MED26: variants seen among roughly 807,000 people sequenced by gnomAD.
MED26 encodes mediator complex subunit 26, also known as mediator of RNA polymerase II transcription subunit 26.
Under a neutral mutation model 43.7 loss-of-function variants are expected in MED26, and 7 were observed. The ratio of observed to expected loss-of-function variants is 0.16; its 90% CI spans 0.09 to 0.30. The LOEUF (loss-of-function observed/expected upper bound fraction) is 0.30. MED26 is among the 10% of genes least tolerant of loss of function. The pLI is 1.00. For missense variants in MED26, 784 were observed against 840.6 expected, an observed-to-expected ratio of 0.93 and a Z score of 0.83; for synonymous variants, 375 against 371.1, an observed-to-expected ratio of 1.01 and a Z score of -0.12.
intron 1 of MED26, among the ~76,000 whole-genome samples, chr19:16,585,059 CCTAA>C (rs1172165349): frequency 6.6e-6 from 1 of 152,150 alleles, no homozygotes; most frequent in Non-Finnish European, 1.5e-5. Context: ...TCTCAGGCCT[CCTAA>C]CTGATTTGAA....
At chr19:16,609,336 A>AAAAAAGAGAGAG (rs765489188) in intron 1 of MED26, among the ~76,000 whole-genome samples, 2 of 142,266 alleles carry the variant, frequency 1.4e-5, no homozygotes, top group African/African-American at 2.5e-5. Context: ...AAAAAAAAAA[A>AAAAAAGAGAGAG]AGAGAGAGAA....
rs369120101 is a variant in MED26, at chr19:16,619,404, C to T, written c.72+8468G>A. 1.4e-3 allele frequency among the ~76,000 whole-genome samples: 219 copies of T among 152,274 alleles called. 5 individuals carry two copies. The South Asian group carries it at 0.044, about 31-fold the overall frequency. ...AACTACTACATCACCCTGGGGGGAACGAGGATGTGGCCACCTCTCCATGCC... is the reference window on the plus strand; with the variant it reads ...AACTACTACATCACCCTGGGGGGAATGAGGATGTGGCCACCTCTCCATGCC... On this transcript the variant is annotated intron_variant, in intron 1 of 2. Transcript: ENST00000263390.
intron 1 of MED26, chr19:16,611,836 A>G (rs926397036): frequency 1.3e-5 from 2 of 152,076 alleles, no homozygotes; most frequent in Non-Finnish European, 2.9e-5. Context: ...AAAAAAAAGA[A>G]GTAAATGGAG....
chr19:16,623,004 C>A (rs2086258514), intron 1 of MED26, among the ~76,000 whole-genome samples: 1 of 152,162 alleles, frequency 6.6e-6, no homozygotes, highest in South Asian at 2.1e-4. Flanking sequence ...CTGACGTGAC[C>A]ATGGTGCCTT....
Position 16,576,561 on chromosome 19 carries a change from C to T in MED26, c.1269G>A (p.Arg423=). 6.2e-7 allele frequency: 1 copy of T among 1,614,224 alleles called. No homozygotes were observed. ...AGVKPVRLKE[R]KLTFDPMTRQ... ...TCGTCATGGGGTCAAAGGTGAGCTT[C>T]CGCTCTTTTAACCGGACAGGCTTGA... is the stretch of plus-strand genomic sequence containing the variant. Residue 423 remains arginine (R), a synonymous_variant, in exon 3 of 3, where the codon CGG becomes CGA. Coordinates refer to ENST00000263390, the MANE Select transcript of MED26 (RefSeq NM_004831.5). The surrounding 1 kb of genome is among the most constrained non-coding windows in gnomAD (Gnocchi z 6.8).
chr19:16,593,594 T>G (rs543514635), intron 1 of MED26, among the ~76,000 whole-genome samples: 97 of 152,324 alleles, frequency 6.4e-4, no homozygotes, highest in African/African-American at 2.3e-3. Flanking sequence ...CTGGCCACCA[T>G]GTTCACTCCA....
intron 1 of MED26, among the ~76,000 whole-genome samples, chr19:16,607,684 C>T (rs1599343717): frequency 6.6e-6 from 1 of 152,362 alleles, no homozygotes; most frequent in East Asian, 1.9e-4. Context: ...CCTCGGGCCA[C>T]ATGCAACCCA....
chr19:16,600,323 C>T (rs1446953570), intron 1 of MED26, among the ~76,000 whole-genome samples: 1 of 152,214 alleles, frequency 6.6e-6, no homozygotes, highest in East Asian at 1.9e-4. Context: ...TGCATTAACA[C>T]TGATCAATGA....
At chr19:16,584,382 GC>G (rs1039198676) in intron 1 of MED26, among the ~76,000 whole-genome samples, 28 of 151,684 alleles carry the variant, frequency 1.8e-4, no homozygotes, top group African/African-American at 5.6e-4. Flanking sequence ...TCCCCAGAGA[GC>G]CCCATAGCCT....
chr19:16,600,196 G>GCAGCCCCCTCCTGCTCCGCA (rs1367881028), intron 1 of MED26, among the ~76,000 whole-genome samples: 3 of 151,052 alleles, frequency 2.0e-5, no homozygotes, highest in African/African-American at 7.3e-5. Flanking sequence ...GGTCCCTGCA[G>GCAGCCCCCTCCTGCTCCGCA]CAGCCCCCTC....
chr19:16,591,940 C>T (rs752099571), intron 1 of MED26, among the ~76,000 whole-genome samples: 15 of 152,310 alleles, frequency 9.8e-5, no homozygotes, highest in South Asian at 4.1e-4. Flanking sequence ...GTCAACAGCA[C>T]GGGCATCACC....
At chr19:16,584,184 C>T (rs1037745464) in intron 1 of MED26, among the ~76,000 whole-genome samples, 1 of 150,960 alleles carries the variant, frequency 6.6e-6, no homozygotes, top group South Asian at 2.1e-4. Flanking sequence ...ACCTGGGAGG[C>T]GGAGGTTGCA....
At chr19:16,591,962 T>C (rs1226419845) in intron 1 of MED26, among the ~76,000 whole-genome samples, 3 of 152,158 alleles carry the variant, frequency 2.0e-5, no homozygotes, top group African/African-American at 7.2e-5. Flanking sequence ...GGGAGCTGCT[T>C]TGAAACGCAC....
intron 1 of MED26, chr19:16,610,334 AC>A (rs2086194198): frequency 6.6e-6 from 1 of 152,102 alleles, no homozygotes; most frequent in Admixed American, 6.6e-5. Context: ...ATGTTATTCA[AC>A]ACAAGTTCAG....
chr19:16,621,104 G>T (rs79973107), intron 1 of MED26, among the ~76,000 whole-genome samples: 2 of 152,160 alleles, frequency 1.3e-5, no homozygotes, highest in Admixed American at 6.5e-5. Context: ...ACGCAATGGA[G>T]TTCAGCTTCC....
intron 1 of MED26, among the ~76,000 whole-genome samples, chr19:16,602,589 C>G (rs952381786): frequency 6.6e-6 from 1 of 152,216 alleles, no homozygotes; most frequent in African/African-American, 2.4e-5. Flanking sequence ...ATGGTGGATA[C>G]AACTCAAGTG....
In MED26 at chr19:16,577,783, G is replaced by A; in HGVS notation, c.148-101C>T. On this transcript the variant is annotated intron_variant, in intron 2 of 2. Coordinates refer to ENST00000263390, the MANE Select transcript of MED26 (RefSeq NM_004831.5). The surrounding 1 kb of genome is among the most constrained non-coding windows in gnomAD (Gnocchi z 8.1). ...GTGGCCCTGACAGTGAAATGACCCG[G>A]TTCCCACTGAGCCCTAAACTGCCAG... The A allele has an allele frequency of 1.1e-6, 1 of 902,032 alleles. No homozygotes were observed. Among genetic ancestry groups the A allele is most frequent in the South Asian group, 1.8e-5 (1 of 56,144 alleles). 55.9% of individuals were successfully genotyped at this position (902,032 alleles called of 1,614,324 possible). A position where few individuals can be genotyped will look rare whatever the true frequency, so the allele number is the denominator to read the frequency against.
At chr19:16,593,064 C>A (rs920915472) in intron 1 of MED26, among the ~76,000 whole-genome samples, 2 of 152,238 alleles carry the variant, frequency 1.3e-5, no homozygotes, top group Non-Finnish European at 2.9e-5. Flanking sequence ...AATCCAGACA[C>A]CAGCACCTGG....
chr19:16,579,873 C>T (rs2086035853), intron 1 of MED26, among the ~76,000 whole-genome samples: 1 of 152,182 alleles, frequency 6.6e-6, no homozygotes, highest in Non-Finnish European at 1.5e-5. Context: ...ACACTTATCA[C>T]ATATTTCAAA....
Sources: gnomAD v4.1 joint callset for allele counts (sites outside exome capture counted in the v4.1 genomes callset) on GRCh38, gnomAD v4.1.1 for gene constraint, Gnocchi (gnomAD v3.1) non-coding constraint, MANE v1.5 for transcripts, NCBI Gene and HGNC (gene_info 2026-07-23, HGNC 2026-07-21) for gene names.